The following LUZP2 variants were observed in gnomAD, a reference collection of about 807,000 sequenced individuals.
LUZP2 encodes the protein leucine zipper protein 2.
A neutral mutation model predicts 51.6 loss-of-function variants in LUZP2; 52 were observed. That is an observed-to-expected ratio of 1.01 (90% CI 0.81 to 1.27). The LOEUF (loss-of-function observed/expected upper bound fraction) is 1.27, where lower values mean the gene tolerates loss of function less well. Ranked by LOEUF, LUZP2 falls within the 50% of genes most tolerant of loss-of-function variation. The pLI is 0.00. For missense variants in LUZP2, 436 were observed against 395.4 expected (o/e 1.10, Z -0.87); for synonymous variants, 154 against 137.3 (o/e 1.12, Z -0.85).
chr11:24,717,937 T>C (rs2133945186), intron 1 of LUZP2, among the ~76,000 whole-genome samples: 1 of 152,356 alleles, frequency 6.6e-6, no homozygotes. Flanking sequence ...TTCTTTTTTA[T>C]GACCGCATAG....
intron 9 of LUZP2, among the ~76,000 whole-genome samples, chr11:25,042,897 G>A (rs1186460177): frequency 1.3e-5 from 2 of 152,142 alleles, no homozygotes; most frequent in Non-Finnish European, 2.9e-5. Context: ...TCTCCCAAAA[G>A]TAATATGTTG....
intron 5 of LUZP2, among the ~76,000 whole-genome samples, chr11:24,886,474 C>A (rs1239683518): frequency 6.6e-6 from 1 of 152,136 alleles, no homozygotes; most frequent in Non-Finnish European, 1.5e-5. Context: ...ATGTGTTTCT[C>A]ATTTTTCCCC....
intron 1 of LUZP2, among the ~76,000 whole-genome samples, chr11:24,653,350 G>A (rs1383623727): frequency 2.0e-5 from 3 of 152,000 alleles, no homozygotes; most frequent in African/African-American, 4.8e-5. Flanking sequence ...TTTTTGGTCT[G>A]GGTAGTTAAA....
At chr11:24,561,828 A>ATAATAATAATAATG (rs1852050632) in intron 1 of LUZP2, among the ~76,000 whole-genome samples, 2 of 151,090 alleles carry the variant, frequency 1.3e-5, no homozygotes, top group Admixed American at 1.3e-4. Flanking sequence ...TAATAATAAT[A>ATAATAATAATAATG]ATGATAATAA....
At chr11:25,010,981 A>C (rs1220943884) in intron 9 of LUZP2, among the ~76,000 whole-genome samples, 1 of 152,222 alleles carries the variant, frequency 6.6e-6, no homozygotes, top group East Asian at 1.9e-4. Flanking sequence ...AGATAAGTGA[A>C]TATCAATTGA....
intron 5 of LUZP2, among the ~76,000 whole-genome samples, chr11:24,783,298 C>T (rs1333497534): frequency 6.6e-6 from 1 of 151,798 alleles, no homozygotes; most frequent in Non-Finnish European, 1.5e-5. Flanking sequence ...TATGCCTTTG[C>T]TGACAGAGTG....
intron 7 of LUZP2, among the ~76,000 whole-genome samples, chr11:24,953,068 T>A (rs1347973279): frequency 2.6e-5 from 4 of 151,872 alleles, no homozygotes; most frequent in African/African-American, 9.7e-5. Context: ...GCATTAAAAA[T>A]CTCTACTAAA....
intron 1 of LUZP2, among the ~76,000 whole-genome samples, chr11:24,650,907 C>T (rs1337580912): frequency 1.3e-5 from 2 of 151,982 alleles, no homozygotes; most frequent in Admixed American, 6.6e-5. Context: ...TTTTGTAAGT[C>T]TCAATTTCTT....
At chr11:24,732,368 G>A (rs1473375318) in intron 3 of LUZP2, among the ~76,000 whole-genome samples, 180 bp downstream of exon 3, 2 of 151,678 alleles carry the variant, frequency 1.3e-5, no homozygotes, top group South Asian at 2.1e-4. Context: ...AACTGGGGTG[G>A]GCTTGAGATT....
chr11:24,614,538 C>G (rs897480742), intron 1 of LUZP2, among the ~76,000 whole-genome samples: 2 of 151,930 alleles, frequency 1.3e-5, no homozygotes, highest in African/African-American at 4.8e-5. Context: ...ATATTCAGTA[C>G]GGCTTATCAC....
At chr11:24,806,240 A>G (rs1849853045) in intron 5 of LUZP2, among the ~76,000 whole-genome samples, 1 of 152,190 alleles carries the variant, frequency 6.6e-6, no homozygotes, top group African/African-American at 2.4e-5. Context: ...GTTGGAGCTT[A>G]CCACTCGGTA....
intron 10 of LUZP2, among the ~76,000 whole-genome samples, chr11:25,050,662 C>G (rs1236417811): frequency 6.6e-6 from 1 of 152,018 alleles, no homozygotes; most frequent in Admixed American, 6.6e-5. Flanking sequence ...CAACTAGATT[C>G]TTAGGACAAC....
chr11:24,735,206 T>G (rs1185490910), intron 3 of LUZP2, among the ~76,000 whole-genome samples: 1 of 151,860 alleles, frequency 6.6e-6, no homozygotes, highest in Non-Finnish European at 1.5e-5. Flanking sequence ...ATGTATGCAC[T>G]TATGTGAGAG....
chr11:24,903,217 G>C (rs1853332587), intron 5 of LUZP2, among the ~76,000 whole-genome samples: 1 of 152,052 alleles, frequency 6.6e-6, no homozygotes, highest in Non-Finnish European at 1.5e-5. Context: ...TGGAATTAAT[G>C]TATATCAGAT....
chr11:24,613,190 A>T (rs1370209576), intron 1 of LUZP2, among the ~76,000 whole-genome samples: 1 of 152,114 alleles, frequency 6.6e-6, no homozygotes, highest in East Asian at 1.9e-4. Context: ...AGAACAAATG[A>T]AATTTCAGAT....
At chr11:24,733,407 C>T (rs1328878173) in intron 3 of LUZP2, among the ~76,000 whole-genome samples, 15 of 151,662 alleles carry the variant, frequency 9.9e-5, no homozygotes, top group Admixed American at 7.9e-4. Flanking sequence ...ACATAAGCAA[C>T]ATTTTGAATA....
At chr11:24,664,885 G>T (rs910792252) in intron 1 of LUZP2, among the ~76,000 whole-genome samples, 1 of 152,174 alleles carries the variant, frequency 6.6e-6, no homozygotes, top group Non-Finnish European at 1.5e-5. Flanking sequence ...CTCTAGTAGG[G>T]CAGTGCAGAA....
At chr11:24,503,009 A>C (rs2133754628) in intron 1 of LUZP2, among the ~76,000 whole-genome samples, 1 of 152,322 alleles carries the variant, frequency 6.6e-6, no homozygotes, top group South Asian at 2.1e-4. Flanking sequence ...AATTAAAGGA[A>C]TAAAAGATAG....
At chr11:24,725,933 C>A (rs1565100715) in intron 1 of LUZP2, among the ~76,000 whole-genome samples, 1 of 152,070 alleles carries the variant, frequency 6.6e-6, no homozygotes, top group East Asian at 1.9e-4. Flanking sequence ...AAGGAGAAGA[C>A]AGCCATTTGC....
Sources: allele counts gnomAD v4.1 joint callset (sites outside exome capture counted in the v4.1 genomes callset), GRCh38; gene constraint gnomAD v4.1.1; transcripts MANE v1.5; gene names NCBI Gene and HGNC (gene_info 2026-07-23, HGNC 2026-07-21).